EOGT: variants seen among roughly 807,000 people sequenced by gnomAD.
EOGT encodes EGF domain specific O-linked N-acetylglucosamine transferase, also known as EGF domain-specific O-linked N-acetylglucosamine transferase.
Under a neutral mutation model 70.5 loss-of-function variants are expected in EOGT, and 55 were observed. That is an observed-to-expected ratio of 0.78 (90% CI 0.63 to 0.98). The LOEUF (loss-of-function observed/expected upper bound fraction) is 0.98, where lower values mean the gene tolerates loss of function less well. Among genes scored for constraint, EOGT ranks in the 50% least tolerant of loss-of-function variants. EOGT has a pLI of 0.00. For synonymous variants in EOGT, 246 were observed against 217.1 expected, an observed-to-expected ratio of 1.13 and a Z score of -1.17; for missense variants, 703 against 641.9, an observed-to-expected ratio of 1.10 and a Z score of -1.03.
intron 10 of EOGT, among the ~76,000 whole-genome samples, chr3:68,989,993 C>A (rs2090941727): frequency 6.6e-6 from 1 of 151,790 alleles, no homozygotes; most frequent in South Asian, 2.1e-4. Flanking sequence ...TATGAAATAT[C>A]CCCCCACCCA....
intron 10 of EOGT, among the ~76,000 whole-genome samples, chr3:68,993,728 GAA>G (rs1337970041): frequency 6.6e-6 from 1 of 152,152 alleles, no homozygotes; most frequent in Non-Finnish European, 1.5e-5. Context: ...AGACTGGGAA[GAA>G]AAAGAGGTTT....
In EOGT at chr3:68,982,852, T is replaced by G. The variant is rs754922656; in HGVS notation, c.1173A>C (p.Thr391=). The G allele has an allele frequency of 8.7e-6, 14 of 1,603,716 alleles. No homozygotes were observed. The highest frequency in any genetic ancestry group is 1.2e-5 in the Non-Finnish European group (14 of 1,175,214). ...CAATCTGGACTTCAAATGTAGATAC[T>G]GTTTTCAGTGCATTTACAAGCTGGG... ...NQNELVNALK[T]VSTFEVQIVD... The change falls in exon 15 of 18, where the codon ACA becomes ACC. Residue 391 remains threonine, a synonymous_variant. Transcript: ENST00000383701.
At chr3:69,002,671 T>C (rs1388406448) in intron 8 of EOGT, among the ~76,000 whole-genome samples, 2 of 151,790 alleles carry the variant, frequency 1.3e-5, no homozygotes, top group Non-Finnish European at 2.9e-5. Flanking sequence ...CTTTTTTTTT[T>C]TGAGACAGGG....
chr3:69,011,454 G>C (rs1012738366), intron 3 of EOGT, among the ~76,000 whole-genome samples: 1 of 151,472 alleles, frequency 6.6e-6, no homozygotes, highest in Non-Finnish European at 1.5e-5. Flanking sequence ...GATGAAACCC[G>C]GTCTCTGCTA....
At chr3:68,978,742 C>G (rs1309979564) in intron 16 of EOGT, among the ~76,000 whole-genome samples, 2 of 152,086 alleles carry the variant, frequency 1.3e-5, no homozygotes, top group Admixed American at 6.6e-5. Context: ...ATGAAAGAGG[C>G]AAGGGGGATA....
intron 13 of EOGT, 105 bp from the exon 14 acceptor site, chr3:68,987,618 G>A (rs1426585535): frequency 2.5e-6 from 2 of 811,302 alleles, no homozygotes; most frequent in African/African-American, 1.7e-5. Context: ...AACTCAACCA[G>A]GATACATTAA....
intron 15 of EOGT, among the ~76,000 whole-genome samples, 161 bp from the exon 16 acceptor site, chr3:68,979,948 T>C (rs1170608965): frequency 6.6e-6 from 1 of 152,242 alleles, no homozygotes; most frequent in Non-Finnish European, 1.5e-5. Context: ...AAGTGCGCTC[T>C]AGTAATTAAT....
chr3:68,995,496 C>G (rs1282460195), intron 10 of EOGT, among the ~76,000 whole-genome samples: 1 of 152,160 alleles, frequency 6.6e-6, no homozygotes. Context: ...TCAGACTGCC[C>G]TCATGTCTCA....
chr3:68,998,596 G>A (rs1367150160), intron 9 of EOGT, among the ~76,000 whole-genome samples: 2 of 152,136 alleles, frequency 1.3e-5, no homozygotes, highest in African/African-American at 4.8e-5. Flanking sequence ...GCTCACACCT[G>A]TAATCACAGC....
At chr3:68,993,050 T>C (rs2091041524) in intron 10 of EOGT, among the ~76,000 whole-genome samples, 1 of 152,232 alleles carries the variant, frequency 6.6e-6, no homozygotes, top group African/African-American at 2.4e-5. Flanking sequence ...AGGCCTGTGA[T>C]GGGAAGCGGC....
rs1203238635 is a variant in EOGT at position 68,975,340 on chromosome 3, C to A, written c.*2278G>T. The A allele has an allele frequency of 2.0e-5, 3 of 152,600 alleles. No homozygotes were observed. The highest frequency in any genetic ancestry group is 4.8e-5 in the African/African-American group (2 of 41,446). 9.5% of individuals were successfully genotyped at this position (152,600 alleles called of 1,614,324 possible). A position where few individuals can be genotyped will look rare whatever the true frequency, so the allele number is the denominator to read the frequency against. On this transcript the variant is annotated 3_prime_UTR_variant, in exon 18 of 18. Coordinates refer to ENST00000383701, the MANE Select transcript of EOGT (RefSeq NM_001278689.2). ...ATCTTTACATTTTACAATTTGAAGACCTTCTGTTCCCACAAAAAGTCTCAT... is the reference window on the plus strand; with the variant it reads ...ATCTTTACATTTTACAATTTGAAGAACTTCTGTTCCCACAAAAAGTCTCAT...
chr3:69,005,626 C>T (rs1167850717), intron 6 of EOGT, among the ~76,000 whole-genome samples: 1 of 152,148 alleles, frequency 6.6e-6, no homozygotes, highest in Non-Finnish European at 1.5e-5. Context: ...AGGAAAAATG[C>T]ACATGTAAGA....
chr3:68,986,758 T>C (rs148491134), intron 14 of EOGT, among the ~76,000 whole-genome samples: 1 of 152,342 alleles, frequency 6.6e-6, no homozygotes, highest in East Asian at 1.9e-4. Context: ...TTTCACTTAC[T>C]TCTTATCTGT....
At chr3:68,999,964 G>A (rs1438183) in intron 9 of EOGT, among the ~76,000 whole-genome samples, 50,701 of 152,094 alleles carry the variant, frequency 0.33, 8,967 homozygotes, top group East Asian at 0.55. Flanking sequence ...ACTCACACCT[G>A]TAATCCCAGA....
At chr3:69,013,194 G>A (rs1355622434) in intron 1 of EOGT, among the ~76,000 whole-genome samples, 1 of 151,978 alleles carries the variant, frequency 6.6e-6, no homozygotes, top group African/African-American at 2.4e-5. Context: ...GGATTGCTTC[G>A]GGGTCGGTGA....
intron 15 of EOGT, among the ~76,000 whole-genome samples, chr3:68,980,750 T>C (rs780933093): frequency 4.6e-5 from 7 of 152,232 alleles, no homozygotes; most frequent in Non-Finnish European, 7.3e-5. Context: ...TGTGAACTGA[T>C]GCCAAGGGAA....
At chr3:69,003,948 G>A (rs1173500390) in intron 8 of EOGT, among the ~76,000 whole-genome samples, 2 of 152,122 alleles carry the variant, frequency 1.3e-5, no homozygotes, top group Non-Finnish European at 2.9e-5. Flanking sequence ...ATATTGCCCA[G>A]GCTGGCCTTG....
chr3:68,992,383 C>T (rs956953630), intron 10 of EOGT, among the ~76,000 whole-genome samples: 3 of 152,162 alleles, frequency 2.0e-5, no homozygotes, highest in Non-Finnish European at 2.9e-5. Context: ...CATGCAAGTC[C>T]GAAATCCTGC....
chr3:68,979,821 G>C (rs747806440), intron 15 of EOGT, 34 bp from the exon 16 acceptor site: 1 of 1,606,006 alleles, frequency 6.2e-7, no homozygotes, highest in South Asian at 1.1e-5. Flanking sequence ...AGAGAGATGG[G>C]GAGAAGAGAG....
Sources: gnomAD v4.1 joint callset for allele counts (sites outside exome capture counted in the v4.1 genomes callset) on GRCh38, gnomAD v4.1.1 for gene constraint, MANE v1.5 for transcripts, NCBI Gene and HGNC (gene_info 2026-07-23, HGNC 2026-07-21) for gene names.